Variants in PABPC4L observed in about 807,000 individuals in gnomAD.
The protein encoded by PABPC4L is polyadenylate-binding protein 4-like.
For synonymous variants in PABPC4L, 169 were observed against 164.1 expected, an observed-to-expected ratio of 1.03 and a Z score of -0.23; for missense variants, 452 against 451.4, an observed-to-expected ratio of 1.00 and a Z score of -0.01.
At position 134,200,491 on chromosome 4, in the gene PABPC4L, C is replaced by A. The variant is rs1729822702; in HGVS notation, c.529G>T (p.Asp177Tyr). ...VFVGRFKNRK[D>Y]REAELRSKAS... The stretch of plus-strand genomic sequence containing the variant: ...TTGCTTCTGAGTTCAGCTTCACGAT[C>A]TTTTCGGTTTTTGAATCTGCCAACA... Residue 177 changes from aspartate to tyrosine, a missense_variant, in exon 2 of 2, where the codon GAT becomes TAT. Coordinates refer to ENST00000421491, the MANE Select transcript of PABPC4L (RefSeq NM_001114734.2). 1 of 1,551,618 alleles carries A rather than the reference C, an allele frequency of 6.4e-7. No individual in the cohort carries two copies. Among genetic ancestry groups the A allele is most frequent in the Non-Finnish European group, 8.7e-7 (1 of 1,146,976 alleles).
the PABPC4L span, among the ~76,000 whole-genome samples, chr4:134,061,642 GAGAGAGAGAGAGAGAGAT>G: frequency 8.0e-6 from 1 of 124,358 alleles, no homozygotes; most frequent in Non-Finnish European, 1.9e-5. Context: ...GAGAGAGAGA[GAGAGAGAGAGAGAGAGAT>G]TGGAGATATT....
the PABPC4L span, among the ~76,000 whole-genome samples, chr4:134,186,187 T>C: frequency 1.2e-4 from 18 of 152,296 alleles, no homozygotes; most frequent in African/African-American, 4.3e-4. Context: ...AAAAAGCTAC[T>C]TTAAAGTTCA....
chr4:134,073,812 A>T, the PABPC4L span, among the ~76,000 whole-genome samples: 1 of 152,190 alleles, frequency 6.6e-6, no homozygotes, highest in Admixed American at 6.5e-5. Flanking sequence ...GCACCCTCTG[A>T]AGCAATAACT....
At chr4:134,175,597 T>C in the PABPC4L span, among the ~76,000 whole-genome samples, 2 of 152,012 alleles carry the variant, frequency 1.3e-5, no homozygotes, top group African/African-American at 4.8e-5. Flanking sequence ...TACAGGCATG[T>C]GCCATCACGT....
At chr4:133,963,763 A>T in the PABPC4L span, among the ~76,000 whole-genome samples, 6 of 152,120 alleles carry the variant, frequency 3.9e-5, no homozygotes, top group African/African-American at 1.4e-4. Flanking sequence ...AAATTTAAAA[A>T]TTCTTCAAAC....
At chr4:134,092,257 A>G in the PABPC4L span, among the ~76,000 whole-genome samples, 2 of 151,962 alleles carry the variant, frequency 1.3e-5, no homozygotes, top group Non-Finnish European at 1.5e-5. Flanking sequence ...TCTACCTATA[A>G]AAACCCCAAA....
chr4:133,982,651 C>T, the PABPC4L span, among the ~76,000 whole-genome samples: 1 of 151,918 alleles, frequency 6.6e-6, no homozygotes, highest in Non-Finnish European at 1.5e-5. Flanking sequence ...GAAAAAGTAA[C>T]TCATAATCTC....
the PABPC4L span, among the ~76,000 whole-genome samples, chr4:134,120,414 T>C: frequency 1.3e-5 from 2 of 149,580 alleles, no homozygotes; most frequent in Non-Finnish European, 3.0e-5. Flanking sequence ...ATTGCTAATA[T>C]AAATTTTTAA....
the PABPC4L span, among the ~76,000 whole-genome samples, chr4:134,045,557 A>C: frequency 6.6e-6 from 1 of 152,182 alleles, no homozygotes; most frequent in Non-Finnish European, 1.5e-5. Context: ...ATGAAACAGA[A>C]TACTTTGTCC....
the PABPC4L span, among the ~76,000 whole-genome samples, chr4:134,183,829 T>C: frequency 6.6e-6 from 1 of 151,806 alleles, no homozygotes; most frequent in Non-Finnish European, 1.5e-5. Flanking sequence ...TTTTCATTGA[T>C]TAGAAGGCTA....
the PABPC4L span, among the ~76,000 whole-genome samples, chr4:133,966,258 G>A: frequency 1.3e-5 from 2 of 152,034 alleles, no homozygotes; most frequent in African/African-American, 4.8e-5. Context: ...AAACCACAAT[G>A]TGATACCACA....
In PABPC4L at chr4:134,200,919, C is replaced by G. The variant is rs1343313385; in HGVS notation, c.101G>C (p.Gly34Ala). Reference protein sequence around the residue: ...DLLFRKFSTVGPVLSIRICRD... With the variant: ...DLLFRKFSTVAPVLSIRICRD... ...GCAAATGCGGATGGACAGCACAGGC[C>G]CCACAGTGCTGAACTTCCTGAACAG... is the stretch of plus-strand genomic sequence containing the variant. The change falls in exon 2 of 2, where the codon GGG becomes GCG. Residue 34 changes from glycine to alanine, a missense_variant. Transcript: ENST00000421491. 3 of 1,560,692 alleles carry G rather than the reference C, an allele frequency of 1.9e-6. No homozygotes were observed. In the African/African-American group the frequency reaches 4.1e-5, roughly 21 times the overall value.
the PABPC4L span, among the ~76,000 whole-genome samples, chr4:134,174,271 G>A: frequency 6.6e-6 from 1 of 151,698 alleles, no homozygotes; most frequent in Non-Finnish European, 1.5e-5. Flanking sequence ...ATTGCGCTGG[G>A]CTGTTTTTAC....
the PABPC4L span, among the ~76,000 whole-genome samples, chr4:134,171,786 G>A: frequency 6.6e-6 from 1 of 151,990 alleles, no homozygotes; most frequent in Non-Finnish European, 1.5e-5. Context: ...TGTTGAAAAG[G>A]TCCAAGATCT....
At chr4:134,178,786 G>A in the PABPC4L span, among the ~76,000 whole-genome samples, 18 of 152,106 alleles carry the variant, frequency 1.2e-4, no homozygotes, top group South Asian at 3.7e-3. Flanking sequence ...ACTGAGTTGA[G>A]AAAAGAATTT....
At chr4:134,084,229 T>C in the PABPC4L span, among the ~76,000 whole-genome samples, 1 of 151,984 alleles carries the variant, frequency 6.6e-6, no homozygotes, top group Non-Finnish European at 1.5e-5. Context: ...TAAAAGATTG[T>C]AGAGAAGAGG....
chr4:134,075,183 A>G, the PABPC4L span, among the ~76,000 whole-genome samples: 1 of 152,290 alleles, frequency 6.6e-6, no homozygotes, highest in African/African-American at 2.4e-5. Flanking sequence ...AGTCCAAAGG[A>G]TTTGAAAGTG....
chr4:134,087,814 T>A, the PABPC4L span, among the ~76,000 whole-genome samples: 1 of 152,096 alleles, frequency 6.6e-6, no homozygotes, highest in Non-Finnish European at 1.5e-5. Flanking sequence ...CCTGGCCTTT[T>A]CCCTCTGGCC....
At chr4:133,982,708 A>G in the PABPC4L span, among the ~76,000 whole-genome samples, 1 of 152,088 alleles carries the variant, frequency 6.6e-6, no homozygotes, top group South Asian at 2.1e-4. Flanking sequence ...AAGCAAGCAA[A>G]ATAGTCATGG....
Sources: gnomAD v4.1 joint callset for allele counts (sites outside exome capture counted in the v4.1 genomes callset) on GRCh38, gnomAD v4.1.1 for gene constraint, MANE v1.5 for transcripts, NCBI Gene and HGNC (gene_info 2026-07-23, HGNC 2026-07-21) for gene names.